WDR93: variants seen among roughly 807,000 people sequenced by gnomAD.
WDR93 encodes WD repeat domain 93, also known as WD repeat-containing protein 93.
Under a neutral mutation model 82.9 loss-of-function variants are expected in WDR93, and 73 were observed. The ratio of observed to expected loss-of-function variants is 0.88; its 90% CI spans 0.73 to 1.07. The LOEUF (loss-of-function observed/expected upper bound fraction) is 1.07, where lower values mean the gene tolerates loss of function less well. Ranked by LOEUF, WDR93 falls within the 50% of genes least tolerant of loss-of-function variation. The pLI, the probability that WDR93 is intolerant of heterozygous loss-of-function variation, is 0.00. For synonymous variants in WDR93, 283 were observed against 300.1 expected, an observed-to-expected ratio of 0.94 and a Z score of 0.59; for missense variants, 738 against 826.0, an observed-to-expected ratio of 0.89 and a Z score of 1.31.
At chr15:89,694,237 T>G (rs868497754) in intron 1 of WDR93, among the ~76,000 whole-genome samples, 13 of 151,792 alleles carry the variant, frequency 8.6e-5, no homozygotes, top group Admixed American at 7.2e-4. Context: ...TTAAAAATTG[T>G]TGGGTTATTT....
chr15:89,692,729 C>G (rs1294939040), intron 1 of WDR93, among the ~76,000 whole-genome samples: 1 of 152,172 alleles, frequency 6.6e-6, no homozygotes, highest in Non-Finnish European at 1.5e-5. Flanking sequence ...CCTGCTTCAG[C>G]CTCCTGAGCT....
chr15:89,710,688 CA>C (rs1379153042), intron 4 of WDR93, among the ~76,000 whole-genome samples: 1 of 151,630 alleles, frequency 6.6e-6, no homozygotes, highest in Non-Finnish European at 1.5e-5. Flanking sequence ...AGGGATGTTA[CA>C]AAAAAAGTAC....
chr15:89,699,455 A>C (rs1965348732), intron 1 of WDR93, among the ~76,000 whole-genome samples: 1 of 151,772 alleles, frequency 6.6e-6, no homozygotes, highest in African/African-American at 2.4e-5. Context: ...TTTTCTCTTT[A>C]TCCATAATTT....
intron 10 of WDR93, 65 bp downstream of exon 10, chr15:89,729,158 GC>G (rs924535401): frequency 3.4e-6 from 5 of 1,454,814 alleles, no homozygotes; most frequent in South Asian, 3.4e-5. Context: ...CCCTCAGCAA[GC>G]CCCCACAGAG....
intron 5 of WDR93, among the ~76,000 whole-genome samples, chr15:89,713,764 C>T (rs1020642238): frequency 2.0e-5 from 3 of 152,260 alleles, no homozygotes; most frequent in South Asian, 4.2e-4. Flanking sequence ...TGAGCCACCA[C>T]GCCTGGCGAA....
chr15:89,728,775 G>T (rs750579364), intron 9 of WDR93, among the ~76,000 whole-genome samples: 2 of 152,136 alleles, frequency 1.3e-5, no homozygotes, highest in South Asian at 4.1e-4. Flanking sequence ...GCTGTCTCTG[G>T]CAAGAGCTCT....
intron 13 of WDR93, among the ~76,000 whole-genome samples, chr15:89,733,870 C>G (rs907790231): frequency 6.6e-5 from 10 of 152,202 alleles, no homozygotes; most frequent in Non-Finnish European, 1.0e-4. Flanking sequence ...CAACATCCTT[C>G]CCATCCCATA....
chr15:89,705,313 G>A (rs964925765), intron 3 of WDR93: 67 of 520,622 alleles, frequency 1.3e-4, no homozygotes, highest in African/African-American at 1.2e-3. Flanking sequence ...GAGACGTCTG[G>A]GAGATGCCGG....
intron 1 of WDR93, among the ~76,000 whole-genome samples, chr15:89,696,573 C>T (rs1184090843): frequency 4.6e-5 from 7 of 152,122 alleles, no homozygotes; most frequent in African/African-American, 1.7e-4. Context: ...TGGCTCACTG[C>T]AGCCTTGACC....
rs1286534905 is a variant in WDR93, at chr15:89,738,243, A to C, written c.1961+7A>C. On this transcript the variant is annotated splice_region_variant and intron_variant, in intron 16 of 16. Coordinates refer to ENST00000268130, the MANE Select transcript of WDR93 (RefSeq NM_020212.2). ...AGCGTTTCCTCCAGAAGAGGTAAAG[A>C]GCTCTGTGTCTTCACCCCCTCCCAC... is the stretch of plus-strand genomic sequence containing the variant. The C allele has an allele frequency of 1.9e-6, 3 of 1,589,894 alleles. No homozygotes were observed. In the African/African-American group the frequency reaches 4.1e-5, roughly 22 times the overall value.
intron 16 of WDR93, among the ~76,000 whole-genome samples, chr15:89,740,345 C>G (rs890068091): frequency 6.6e-6 from 1 of 152,076 alleles, no homozygotes; most frequent in Non-Finnish European, 1.5e-5. Context: ...CGGTACCTCC[C>G]GGAGGGAAAT....
At chr15:89,735,408 C>G in intron 13 of WDR93, 82 bp from the exon 14 acceptor site, 1 of 1,412,716 alleles carries the variant, frequency 7.1e-7, no homozygotes, top group Non-Finnish European at 1.0e-6. Flanking sequence ...CTGAATTTCT[C>G]CAGGATATAT....
rs774733847 is a variant in WDR93, at chr15:89,727,295, A to G, written c.1019A>G (p.Tyr340Cys). ...AEIFNASYKK[Y>C]LDREWEEEPL... ...ATCTTCAACGCTTCCTACAAGAAGT[A>G]CCTAGATAGGGAGTGGGAGGAAGAG... is the stretch of plus-strand genomic sequence containing the variant. Residue 340 changes from tyrosine to cysteine, a missense_variant, in exon 9 of 17, where the codon TAC (tyrosine) becomes TGC (cysteine). Physicochemically the swap from Tyr to Cys is radical, Grantham distance 194. Transcript: ENST00000268130. The G allele has an allele frequency of 2.5e-6, 4 of 1,613,958 alleles. No individual in the cohort carries two copies. Among genetic ancestry groups the G allele is most frequent in the Non-Finnish European group, 3.4e-6 (4 of 1,179,996 alleles).
At chr15:89,728,817 G>T (rs910449244) in intron 9 of WDR93, among the ~76,000 whole-genome samples, 1 of 152,128 alleles carries the variant, frequency 6.6e-6, no homozygotes, top group Non-Finnish European at 1.5e-5. Flanking sequence ...GTGATTCCCA[G>T]CCCCACCCAA....
chr15:89,722,107 T>C lies in WDR93; in HGVS notation c.848T>C (p.Ile283Thr), dbSNP rs754352419. 2 of 1,609,042 alleles carry C rather than the reference T, an allele frequency of 1.2e-6. No homozygotes were observed. The highest frequency in any genetic ancestry group is 2.2e-5 in the South Asian group (2 of 89,756). The change falls in exon 8 of 17, where the codon ATA becomes ACA. Residue 283 changes from isoleucine to threonine, a missense_variant. Transcript: ENST00000268130. The stretch of plus-strand genomic sequence containing the variant: ...ATTAAATTGAGTCTTCCAGTTTACA[T>C]AATGAAGATCAAACCACCTAAGCCT... ...GDIKLSLPVY[I>T]MKIKPPKPVT... is the part of the protein sequence containing the mutation.
At chr15:89,736,629 A>T (rs536715680) in intron 14 of WDR93, among the ~76,000 whole-genome samples, 2 of 152,064 alleles carry the variant, frequency 1.3e-5, no homozygotes, top group Admixed American at 1.3e-4. Flanking sequence ...AAGTGAGAGC[A>T]GTGTCCTGTG....
At position 89,729,712 on chromosome 15, in the gene WDR93, A is replaced by C; in HGVS notation, c.1153A>C (p.Thr385Pro). The C allele has an allele frequency of 1.2e-6, 2 of 1,611,698 alleles. No individual in the cohort carries two copies. The highest frequency in any genetic ancestry group is 1.7e-6 in the Non-Finnish European group (2 of 1,179,196). The change falls in exon 11 of 17, where the codon ACC (threonine) becomes CCC (proline). Residue 385 changes from threonine (T) to proline (P), a missense_variant. Physicochemically the swap from Thr to Pro is conservative, Grantham distance 38. Coordinates refer to ENST00000268130, the MANE Select transcript of WDR93 (RefSeq NM_020212.2). ...GMACVLGIHW[T>P]RSHNFFLYSL... is the part of the protein sequence containing the mutation. The stretch of plus-strand genomic sequence containing the variant: ...GGCCTGTGTCCTTGGTATACACTGG[A>C]CCAGAAGTCACAATTTCTTCCTGTA...
intron 8 of WDR93, among the ~76,000 whole-genome samples, chr15:89,724,177 A>C (rs1442716784): frequency 6.6e-5 from 10 of 151,542 alleles, no homozygotes; most frequent in Non-Finnish European, 1.5e-4. Flanking sequence ...CATCTCCACA[A>C]AAAAAAATAC....
At chr15:89,725,069 A>G (rs80302552) in intron 8 of WDR93, among the ~76,000 whole-genome samples, 57 of 152,322 alleles carry the variant, frequency 3.7e-4, no homozygotes, top group Non-Finnish European at 7.8e-4. Flanking sequence ...ATTTTGAGTT[A>G]GTCACCCTAC....
Sources: allele counts gnomAD v4.1 joint callset (sites outside exome capture counted in the v4.1 genomes callset), GRCh38; gene constraint gnomAD v4.1.1; transcripts MANE v1.5; gene names NCBI Gene and HGNC (gene_info 2026-07-23, HGNC 2026-07-21).